The following CDK17 variants were observed in gnomAD, a reference collection of about 807,000 sequenced individuals.
CDK17 encodes cyclin dependent kinase 17, also known as cyclin-dependent kinase 17.
In CDK17, 24 loss-of-function variants were observed where a neutral mutation model predicts 77.6. The ratio of observed to expected loss-of-function variants is 0.31; its 90% confidence interval spans 0.22 to 0.44. The LOEUF is 0.44. CDK17 is among the 20% of genes least tolerant of loss of function. CDK17 has a pLI of 1.00. For missense variants in CDK17, 429 were observed against 622.5 expected (o/e 0.69, Z 3.31); for synonymous variants, 203 against 210.4 (o/e 0.96, Z 0.30).
intron 1 of CDK17, among the ~76,000 whole-genome samples, chr12:96,350,470 C>T (rs1592746832): frequency 6.6e-6 from 1 of 151,836 alleles, no homozygotes; most frequent in East Asian, 1.9e-4. Flanking sequence ...ATTTCAAGAC[C>T]TAATAAAAAG....
At chr12:96,301,467 G>A (rs1054223869) in intron 5 of CDK17, among the ~76,000 whole-genome samples, 3 of 152,036 alleles carry the variant, frequency 2.0e-5, no homozygotes, top group Admixed American at 1.3e-4. Flanking sequence ...TTTTTAGATA[G>A]ATTGAAAACT....
intron 1 of CDK17, among the ~76,000 whole-genome samples, 156 bp downstream of exon 1, chr12:96,399,830 C>T (rs1441992276): frequency 6.6e-6 from 1 of 152,010 alleles, no homozygotes; most frequent in African/African-American, 2.4e-5. Context: ...CGCTAGCCCC[C>T]CGCGCCGCGC....
chr12:96,320,183 A>C (rs1021781335), intron 3 of CDK17, among the ~76,000 whole-genome samples: 2 of 151,696 alleles, frequency 1.3e-5, no homozygotes, highest in African/African-American at 4.9e-5. Context: ...AGAGAGCCAA[A>C]TCATGAGTGA....
At chr12:96,323,321 C>T (rs1486728212) in intron 3 of CDK17, among the ~76,000 whole-genome samples, 1 of 150,898 alleles carries the variant, frequency 6.6e-6, no homozygotes. Flanking sequence ...CCAGGCGTAG[C>T]GGCATGCACA....
At chr12:96,349,722 C>A (rs181601862) in intron 1 of CDK17, among the ~76,000 whole-genome samples, 1 of 152,178 alleles carries the variant, frequency 6.6e-6, no homozygotes, top group Admixed American at 6.5e-5. Context: ...GACAAAGATG[C>A]CTGCTTTCAC....
At chr12:96,348,472 C>T (rs369432305) in intron 1 of CDK17, among the ~76,000 whole-genome samples, 7 of 140,618 alleles carry the variant, frequency 5.0e-5, no homozygotes, top group East Asian at 2.1e-4. Context: ...TGCAGCGAGC[C>T]GAGGTCGTGC....
At chr12:96,280,994 T>C (rs1285963324) in intron 15 of CDK17, 109 bp from the exon 16 acceptor site, 1 of 892,842 alleles carries the variant, frequency 1.1e-6, no homozygotes, top group East Asian at 2.8e-5. Context: ...TATGAAACCA[T>C]TTTACAAGGT....
chr12:96,342,414 T>C (rs1953135555), intron 1 of CDK17, among the ~76,000 whole-genome samples: 1 of 152,170 alleles, frequency 6.6e-6, no homozygotes, highest in Non-Finnish European at 1.5e-5. Context: ...ATACAAAAAT[T>C]AGCCAGGCGT....
intron 1 of CDK17, among the ~76,000 whole-genome samples, chr12:96,397,106 A>G (rs897225355): frequency 1.3e-5 from 2 of 152,172 alleles, no homozygotes; most frequent in African/African-American, 4.8e-5. Context: ...ATATTGCTGA[A>G]AATAAGGAAA....
At chr12:96,287,607 A>AG (rs1952263639) in intron 11 of CDK17, among the ~76,000 whole-genome samples, 2 of 152,168 alleles carry the variant, frequency 1.3e-5, no homozygotes, top group African/African-American at 4.8e-5. Flanking sequence ...GCTTGAGCCC[A>AG]GGAGTCTAAG....
intron 1 of CDK17, among the ~76,000 whole-genome samples, chr12:96,380,372 C>G (rs894015864): frequency 2.0e-5 from 3 of 150,886 alleles, no homozygotes; most frequent in African/African-American, 7.3e-5. Flanking sequence ...ACCTCCGCCT[C>G]CTGGGTTCAT....
intron 1 of CDK17, among the ~76,000 whole-genome samples, chr12:96,371,876 T>C (rs1052170382): frequency 2.6e-5 from 4 of 152,240 alleles, no homozygotes; most frequent in African/African-American, 9.6e-5. Flanking sequence ...CAAAATCACC[T>C]ACTTTCTAAA....
intron 3 of CDK17, among the ~76,000 whole-genome samples, chr12:96,322,186 C>A (rs1007612883): frequency 6.6e-5 from 10 of 152,130 alleles, no homozygotes; most frequent in African/African-American, 1.9e-4. Context: ...CTTGTCAGAA[C>A]TTTACTCATC....
intron 1 of CDK17, among the ~76,000 whole-genome samples, chr12:96,384,650 T>G (rs963043582): frequency 6.6e-6 from 1 of 152,190 alleles, no homozygotes; most frequent in Non-Finnish European, 1.5e-5. Context: ...AGTGAATTAC[T>G]GCAAGAACAG....
intron 5 of CDK17, among the ~76,000 whole-genome samples, chr12:96,310,288 A>G (rs1455313611): frequency 6.6e-6 from 1 of 152,166 alleles, no homozygotes; most frequent in Non-Finnish European, 1.5e-5. Flanking sequence ...TATATATACA[A>G]ACTTTGTATA....
At chr12:96,385,190 T>C (rs937340918) in intron 1 of CDK17, among the ~76,000 whole-genome samples, 1 of 151,980 alleles carries the variant, frequency 6.6e-6, no homozygotes, top group East Asian at 1.9e-4. Flanking sequence ...TGGGCACCTG[T>C]AGTCCCAGCT....
In CDK17 at chr12:96,279,348, A is replaced by G. The variant is rs1259324096; in HGVS notation, c.*894T>C. On this transcript the variant is annotated 3_prime_UTR_variant, in exon 17 of 17. Coordinates refer to ENST00000261211, the MANE Select transcript of CDK17 (RefSeq NM_002595.5). ...CCCAAATGAAAGAAACTATTCCCCAATGAAATATCATCCTTTCTAATAAAA... is the reference window on the plus strand; with the variant it reads ...CCCAAATGAAAGAAACTATTCCCCAGTGAAATATCATCCTTTCTAATAAAA... 1.3e-5 allele frequency: 2 copies of G among 152,198 alleles called. No homozygotes were observed. Among genetic ancestry groups the G allele is most frequent in the African/African-American group, 2.4e-5 (1 of 41,462 alleles). 9.4% of individuals were successfully genotyped at this position (152,198 alleles called of 1,614,324 possible). A position where few individuals can be genotyped will look rare whatever the true frequency, so the allele number is the denominator to read the frequency against.
chr12:96,309,073 C>T (rs1952614324), intron 5 of CDK17, among the ~76,000 whole-genome samples: 1 of 152,158 alleles, frequency 6.6e-6, no homozygotes. Flanking sequence ...GATGTCTTCT[C>T]ATTACATGGG....
At position 96,278,816 on chromosome 12, in the gene CDK17, C is replaced by G. The variant is rs111511436; in HGVS notation, c.*1426G>C. 1 of 152,402 alleles carries G rather than the reference C, an allele frequency of 6.6e-6. No homozygotes were observed. The highest frequency in any genetic ancestry group is 2.4e-5 in the African/African-American group (1 of 41,394). The allele number at this position is 152,402 out of a possible 1,614,324, so 9.4% of individuals were successfully genotyped here. A position where few individuals can be genotyped will look rare whatever the true frequency, so the allele number is the denominator to read the frequency against. The stretch of plus-strand genomic sequence containing the variant: ...TTAGTATCGTGAAATATTAAAATAA[C>G]ACCCCAAACATGCCACAATCACTAT... On this transcript the variant is annotated 3_prime_UTR_variant, in exon 17 of 17. Transcript: ENST00000261211.
Sources: gnomAD v4.1 joint callset for allele counts (sites outside exome capture counted in the v4.1 genomes callset) on GRCh38, gnomAD v4.1.1 for gene constraint, MANE v1.5 for transcripts, NCBI Gene and HGNC (gene_info 2026-07-23, HGNC 2026-07-21) for gene names.